Variants in VPS16 observed in about 807,000 individuals in gnomAD.
The protein encoded by VPS16 is VPS16 core subunit of CORVET and HOPS complexes.
Under a neutral mutation model 116.0 loss-of-function variants are expected in VPS16, and 82 were observed. The ratio of observed to expected loss-of-function variants is 0.71; its 90% CI spans 0.59 to 0.85. The LOEUF (loss-of-function observed/expected upper bound fraction) is 0.85. Among genes scored for constraint, VPS16 ranks in the 40% least tolerant of loss-of-function variants. The pLI, the probability that VPS16 is intolerant of heterozygous loss-of-function variation, is 0.00. For synonymous variants in VPS16, 406 were observed against 420.7 expected, an observed-to-expected ratio of 0.96 and a Z score of 0.43; for missense variants, 928 against 1,090.6, an observed-to-expected ratio of 0.85 and a Z score of 2.10.
At position 2,852,865 on chromosome 20, in the gene VPS16, C is replaced by A. The variant is rs540035949; in HGVS notation, c.54-6854C>A. Among the ~76,000 whole-genome samples, 12 of 152,294 alleles carry A rather than the reference C, an allele frequency of 7.9e-5. No individual in the cohort carries two copies. In the East Asian group the frequency reaches 2.3e-3, roughly 29 times the overall value. Reference sequence around the variant, plus strand: ...GGTTGCTGAAGGTTAGGGTGGCTATCATAATTTCTTAAAACAACAATGAAG... The same window carrying A: ...GGTTGCTGAAGGTTAGGGTGGCTATAATAATTTCTTAAAACAACAATGAAG... On this transcript the variant is annotated intron_variant, in intron 1 of 23. Transcript: ENST00000380445.
At chr20:2,841,858 A>G (rs2088979092) in intron 1 of VPS16, among the ~76,000 whole-genome samples, 1 of 150,764 alleles carries the variant, frequency 6.6e-6, no homozygotes. Context: ...GGTTCAAGGG[A>G]TTCTCCTGCC....
At position 2,860,527 on chromosome 20, in the gene VPS16, G is replaced by C. The variant is rs1431777774; in HGVS notation, c.448G>C (p.Ala150Pro). 6.2e-7 allele frequency: 1 copy of C among 1,613,966 alleles called. No homozygotes were observed. Among genetic ancestry groups the C allele is most frequent in the Admixed American group, 1.7e-5 (1 of 60,002 alleles). Reference protein sequence around the residue: ...FGSGVAILTGAHRFTLSANVG... With the variant: ...FGSGVAILTGPHRFTLSANVG... ...TTCCGGAGTGGCCATCCTCACAGGG[G>C]CCCACCGCTTCACCCTCAGTGCCAA... The change falls in exon 5 of 24, where the codon GCC becomes CCC. Residue 150 changes from alanine (A) to proline (P), a missense_variant. Coordinates refer to ENST00000380445, the MANE Select transcript of VPS16 (RefSeq NM_022575.4). The surrounding 1 kb of genome is among the most constrained non-coding windows in gnomAD (Gnocchi z 6.1).
At chr20:2,851,163 G>C (rs1324906470) in intron 1 of VPS16, among the ~76,000 whole-genome samples, 1 of 152,086 alleles carries the variant, frequency 6.6e-6, no homozygotes, top group Non-Finnish European at 1.5e-5. Context: ...GTTGGAGCTG[G>C]TCTATAATAT....
intron 1 of VPS16, among the ~76,000 whole-genome samples, chr20:2,858,559 A>T (rs2089197450): frequency 6.6e-6 from 1 of 152,140 alleles, no homozygotes; most frequent in African/African-American, 2.4e-5. Flanking sequence ...TGATGGGCAT[A>T]TTCCTGATCA....
Position 2,863,129 on chromosome 20 carries a change from G to C in VPS16, c.1367+29G>C. The C allele has an allele frequency of 2.5e-6, 4 of 1,613,640 alleles. No individual in the cohort carries two copies. The highest frequency in any genetic ancestry group is 3.4e-6 in the Non-Finnish European group (4 of 1,179,954). On this transcript the variant is annotated intron_variant, in intron 14 of 23. Coordinates refer to ENST00000380445, the MANE Select transcript of VPS16 (RefSeq NM_022575.4). The surrounding 1 kb of genome is among the most constrained non-coding windows in gnomAD (Gnocchi z 4.4). ...GGGTAAGCCCAAGGGTGCAGTGAGC[G>C]GGCTGTCAGGGGGGTGGGCATTACA...
At chr20:2,842,693 T>C (rs201071876) in intron 1 of VPS16, among the ~76,000 whole-genome samples, 26 of 138,152 alleles carry the variant, frequency 1.9e-4, no homozygotes, top group East Asian at 1.5e-3. Context: ...TAGATACATC[T>C]AGATGTATCT....
intron 1 of VPS16, among the ~76,000 whole-genome samples, chr20:2,844,442 T>C (rs982587780): frequency 3.9e-5 from 6 of 152,200 alleles, no homozygotes; most frequent in Non-Finnish European, 8.8e-5. Context: ...AGTTAAGCTA[T>C]TTTTTTAATC....
chr20:2,864,919 G>A lies in VPS16; in HGVS notation c.1927-59G>A. The A allele has an allele frequency of 6.8e-6, 11 of 1,608,106 alleles. No homozygotes were observed. The highest frequency in any genetic ancestry group is 9.4e-6 in the Non-Finnish European group (11 of 1,175,398). ...GATGGGGGAGAAGACTGTAGCCTGGGTGAGGAGGGCGAGGGTCCTGCATGC... is the reference window on the plus strand; with the variant it reads ...GATGGGGGAGAAGACTGTAGCCTGGATGAGGAGGGCGAGGGTCCTGCATGC... On this transcript the variant is annotated intron_variant, in intron 19 of 23. Coordinates refer to ENST00000380445, the MANE Select transcript of VPS16 (RefSeq NM_022575.4). This position sits in a 1 kb window ranked among gnomAD's most constrained non-coding sequence, Gnocchi z 5.2.
In VPS16 at chr20:2,864,526, A is replaced by G; in HGVS notation, c.1819-21A>G. The G allele has an allele frequency of 6.2e-7, 1 of 1,614,038 alleles. No individual in the cohort carries two copies. Among genetic ancestry groups the G allele is most frequent in the Non-Finnish European group, 8.5e-7 (1 of 1,180,008 alleles). On this transcript the variant is annotated intron_variant, in intron 18 of 23. Coordinates refer to ENST00000380445, the MANE Select transcript of VPS16 (RefSeq NM_022575.4). The surrounding 1 kb of genome is among the most constrained non-coding windows in gnomAD (Gnocchi z 5.2). ...GCACTTGAGTTGGCCTTGCTGACTG[A>G]TTGCCTGCCTGTGGCCCCAGTTCTG...
intron 1 of VPS16, among the ~76,000 whole-genome samples, chr20:2,842,715 G>GAT (rs374219503): frequency 0.016 from 872 of 53,800 alleles, 38 homozygotes; most frequent in African/African-American, 0.065. Flanking sequence ...TATATAGATA[G>GAT]ACATATGGAT....
At position 2,865,826 on chromosome 20, in the gene VPS16, G is replaced by A; in HGVS notation, c.2271+331G>A. 1 of 466,440 alleles carries A rather than the reference G, an allele frequency of 2.1e-6. No homozygotes were observed. The highest frequency in any genetic ancestry group is 4.1e-5 in the East Asian group (1 of 24,154). 28.9% of individuals were successfully genotyped at this position (466,440 alleles called of 1,614,324 possible). ...ACAGGGAGGGTGCATATGGGAGGCA[G>A]TGGAGATACTGAGGGCTGTTTTCTG... On this transcript the variant is annotated intron_variant, in intron 22 of 23. Coordinates refer to ENST00000380445, the MANE Select transcript of VPS16 (RefSeq NM_022575.4). The surrounding 1 kb of genome is among the most constrained non-coding windows in gnomAD (Gnocchi z 5.2).
chr20:2,851,444 A>G (rs6138912), intron 1 of VPS16, among the ~76,000 whole-genome samples: 32,633 of 151,944 alleles, frequency 0.21, 3,956 homozygotes, highest in East Asian at 0.37. Context: ...CCCCGTCTCT[A>G]CTAACGATAC....
At chr20:2,850,268 G>C (rs955278178) in intron 1 of VPS16, among the ~76,000 whole-genome samples, 1 of 152,070 alleles carries the variant, frequency 6.6e-6, no homozygotes, top group Non-Finnish European at 1.5e-5. Context: ...AGGTTGCAGT[G>C]AGCCCAGATC....
At chr20:2,855,494 G>T (rs1233299928) in intron 1 of VPS16, among the ~76,000 whole-genome samples, 4 of 105,584 alleles carry the variant, frequency 3.8e-5, no homozygotes, top group African/African-American at 2.6e-4. Context: ...GCTGCATTAG[G>T]CCCCAACAAG....
Position 2,842,679 on chromosome 20 carries a change from T to TAG in VPS16, c.53+1853_53+1854insGA, listed in dbSNP as rs1268512347. On this transcript the variant is annotated intron_variant, in intron 1 of 23. Coordinates refer to ENST00000380445, the MANE Select transcript of VPS16 (RefSeq NM_022575.4). ...ATAGATATATAGATGTATCTATATA[T>TAG]ATATAGATACATCTAGATGTATCTA... Among the ~76,000 whole-genome samples the TAG allele has an allele frequency of 1.8e-4, 25 of 141,910 alleles. 2 individuals are homozygous for TAG. Among genetic ancestry groups the TAG allele is most frequent in the African/African-American group, 6.7e-4 (24 of 35,900 alleles). 93.1% of individuals were successfully genotyped at this position (141,910 alleles called of 152,430 possible).
chr20:2,842,694 A>ATCTATCTATAGATAGATACATCCG (rs2088998753), intron 1 of VPS16, among the ~76,000 whole-genome samples: 1 of 136,294 alleles, frequency 7.3e-6, no homozygotes, highest in African/African-American at 3.1e-5. Context: ...AGATACATCT[A>ATCTATCTATAGATAGATACATCCG]GATGTATCTA....
rs536654128 is a variant in VPS16 at position 2,863,300 on chromosome 20, C to A, written c.1378C>A (p.Arg460=). 7 of 1,614,154 alleles carry A rather than the reference C, an allele frequency of 4.3e-6. No individual in the cohort carries two copies. Among genetic ancestry groups the A allele is most frequent in the Non-Finnish European group, 5.1e-6 (6 of 1,180,022 alleles). Residue 460 remains arginine, a synonymous_variant, in exon 15 of 24, where the codon CGG becomes AGG. Coordinates refer to ENST00000380445, the MANE Select transcript of VPS16 (RefSeq NM_022575.4). The surrounding 1 kb of genome is among the most constrained non-coding windows in gnomAD (Gnocchi z 4.4). ...IQVLLDRLVL[R]RLYPLAIQIC... ...CACCGGGTCTACCAGGCTCGTGTTG[C>A]GGAGACTTTACCCCCTGGCCATCCA...
In VPS16 at chr20:2,866,257, A is replaced by G; in HGVS notation, c.2317A>G (p.Lys773Glu). ...CMKQHNKYEA[K>E]KYASRVGPEQ... ...GAAACAACATAACAAATACGAAGCC[A>G]AGAAGTATGCTTCCCGCGTGGGTCC... Residue 773 changes from lysine to glutamate, a missense_variant, in exon 23 of 24, where the codon AAG becomes GAG. Lys to Glu is a moderately conservative substitution (Grantham distance 56). Transcript: ENST00000380445. 1 of 1,614,170 alleles carries G rather than the reference A, an allele frequency of 6.2e-7. No homozygotes were observed. The highest frequency in any genetic ancestry group is 1.1e-5 in the South Asian group (1 of 91,078).
chr20:2,865,498 G>A lies in VPS16; in HGVS notation c.2271+3G>A, dbSNP rs1393162212. 3.1e-6 allele frequency: 5 copies of A among 1,613,114 alleles called. No individual in the cohort carries two copies. In the South Asian group the frequency reaches 3.3e-5, roughly 11 times the overall value. ...AGAAATCACCCATTGGCTACCTGGT[G>A]AGGCAGGGTCCTCCCTCCAGCCCAC... On this transcript the variant is annotated splice_donor_region_variant and intron_variant, in intron 22 of 23. Coordinates refer to ENST00000380445, the MANE Select transcript of VPS16 (RefSeq NM_022575.4). The surrounding 1 kb of genome is among the most constrained non-coding windows in gnomAD (Gnocchi z 5.2).
Sources: allele counts gnomAD v4.1 joint callset (sites outside exome capture counted in the v4.1 genomes callset), GRCh38; gene constraint gnomAD v4.1.1; non-coding constraint Gnocchi (gnomAD v3.1); transcripts MANE v1.5; gene names NCBI Gene and HGNC (gene_info 2026-07-23, HGNC 2026-07-21).